The following SLC10A7 variants were observed in gnomAD, a reference collection of about 807,000 sequenced individuals.
The protein encoded by SLC10A7 is solute carrier family 10 member 7, also known as sodium/bile acid cotransporter 7.
SLC10A7 carries 29 observed loss-of-function variants against 43.2 expected under a neutral mutation model. The observed-to-expected ratio is 0.67, with a 90% confidence interval of 0.50 to 0.92. The LOEUF (loss-of-function observed/expected upper bound fraction) is 0.92, where lower values mean the gene tolerates loss of function less well. SLC10A7 is among the 40% of genes least tolerant of loss of function. The pLI is 0.00. For synonymous variants in SLC10A7, 152 were observed against 144.8 expected, an observed-to-expected ratio of 1.05 and a Z score of -0.35; for missense variants, 295 against 403.2, an observed-to-expected ratio of 0.73 and a Z score of 2.30.
intron 4 of SLC10A7, chr4:146,477,902 C>T (rs1449834135): frequency 6.6e-6 from 1 of 152,164 alleles, no homozygotes; most frequent in Non-Finnish European, 1.5e-5. Context: ...AATGATAACA[C>T]ACTTGATAGC....
intron 5 of SLC10A7, chr4:146,442,118 T>C: frequency 4.1e-6 from 4 of 973,222 alleles, no homozygotes; most frequent in Non-Finnish European, 4.9e-6. Context: ...AGTTTCTCAA[T>C]CTTTCATAAC....
Position 146,298,733 on chromosome 4 carries a change from G to A in SLC10A7, c.556-4638C>T, listed in dbSNP as rs79009370. 5.8e-3 allele frequency among the ~76,000 whole-genome samples: 889 copies of A among 152,202 alleles called. 12 individuals carry two copies. Among genetic ancestry groups the A allele is most frequent in the African/African-American group, 0.02 (818 of 41,536 alleles). ...AAGAAGAGAAAATGCTATGACAGCC[G>A]GCACAAATTTTCTTTCTTTCTAGAT... On this transcript the variant is annotated intron_variant, in intron 7 of 11. Coordinates refer to ENST00000335472, the MANE Select transcript of SLC10A7 (RefSeq NM_001029998.6).
At chr4:146,487,123 A>G (rs1426585677) in intron 4 of SLC10A7, among the ~76,000 whole-genome samples, 3 of 152,186 alleles carry the variant, frequency 2.0e-5, no homozygotes, top group Non-Finnish European at 2.9e-5. Flanking sequence ...TGTATCTTTC[A>G]GCCAGTTTGA....
In SLC10A7 at chr4:146,449,809, C is replaced by T. The variant is rs566341361; in HGVS notation, c.397-6988G>A. On this transcript the variant is annotated intron_variant, in intron 4 of 11. Coordinates refer to ENST00000335472, the MANE Select transcript of SLC10A7 (RefSeq NM_001029998.6). Reference sequence around the variant, plus strand: ...AGTATAACTTCCTATGTTTTAAAAACGTAGGTTTGGCCTCACTTGGGAAAG... The same window carrying T: ...AGTATAACTTCCTATGTTTTAAAAATGTAGGTTTGGCCTCACTTGGGAAAG... Among the ~76,000 whole-genome samples the T allele has an allele frequency of 1.3e-4, 20 of 152,218 alleles. No homozygotes were observed. The East Asian group carries it at 1.9e-3, about 15-fold the overall frequency.
At chr4:146,399,357 T>C (rs1016367206) in intron 5 of SLC10A7, among the ~76,000 whole-genome samples, 4 of 152,064 alleles carry the variant, frequency 2.6e-5, no homozygotes, top group Admixed American at 6.6e-5. Flanking sequence ...CTAAGGGCAA[T>C]AGGAAGTTAA....
chr4:146,292,270 T>C (rs1730491961), intron 9 of SLC10A7, among the ~76,000 whole-genome samples: 1 of 152,212 alleles, frequency 6.6e-6, no homozygotes, highest in African/African-American at 2.4e-5. Context: ...TTGGAAGCAC[T>C]ATGAAATGCA....
chr4:146,386,806 T>C (rs1738035036), intron 5 of SLC10A7, among the ~76,000 whole-genome samples: 1 of 152,214 alleles, frequency 6.6e-6, no homozygotes, highest in South Asian at 2.1e-4. Flanking sequence ...TACTGCTTTC[T>C]TCTTGGAAGG....
In SLC10A7 at chr4:146,294,104, C is replaced by T; in HGVS notation, c.556-9G>A. 6.4e-7 allele frequency: 1 copy of T among 1,557,840 alleles called. No individual in the cohort carries two copies. The highest frequency in any genetic ancestry group is 8.7e-7 in the Non-Finnish European group (1 of 1,144,244). ...ATGTATCTTCGGACAATCTGAAATA[C>T]AGAGATCAACAGGTTGCCTCTTTTC... On this transcript the variant is annotated splice_polypyrimidine_tract_variant and intron_variant, in intron 7 of 11. Coordinates refer to ENST00000335472, the MANE Select transcript of SLC10A7 (RefSeq NM_001029998.6).
intron 7 of SLC10A7, among the ~76,000 whole-genome samples, chr4:146,304,249 C>T (rs1364991903): frequency 6.6e-6 from 1 of 150,920 alleles, no homozygotes; most frequent in Non-Finnish European, 1.5e-5. Context: ...ATTACATGGT[C>T]ACAAACATAA....
At chr4:146,458,400 A>G (rs1732265587) in intron 4 of SLC10A7, among the ~76,000 whole-genome samples, 1 of 151,788 alleles carries the variant, frequency 6.6e-6, no homozygotes, top group Non-Finnish European at 1.5e-5. Flanking sequence ...AATCAGGAAC[A>G]AAGTTAGGAT....
At chr4:146,501,587 G>A (rs932306657) in intron 4 of SLC10A7, among the ~76,000 whole-genome samples, 1 of 152,160 alleles carries the variant, frequency 6.6e-6, no homozygotes, top group Non-Finnish European at 1.5e-5. Flanking sequence ...CAAGACAGTA[G>A]AGCCTCCAAT....
chr4:146,411,304 A>G (rs1210397402), intron 5 of SLC10A7, among the ~76,000 whole-genome samples: 1 of 152,216 alleles, frequency 6.6e-6, no homozygotes, highest in East Asian at 1.9e-4. Context: ...AGACTATGAG[A>G]TGGAAAAACA....
At position 146,390,215 on chromosome 4, in the gene SLC10A7, C is replaced by T. The variant is rs903811563; in HGVS notation, c.435+52568G>A. Among the ~76,000 whole-genome samples the T allele has an allele frequency of 2.6e-5, 4 of 151,940 alleles. No homozygotes were observed. The East Asian group carries it at 5.8e-4, about 22-fold the overall frequency. ...TCACAAGAAACTATATTGAAATTGA[C>T]AGAAGGCCATCATGTTTTATGGTTT... On this transcript the variant is annotated intron_variant, in intron 5 of 11. Transcript: ENST00000335472.
chr4:146,478,311 G>C (rs557140013), intron 4 of SLC10A7: 1 of 152,262 alleles, frequency 6.6e-6, no homozygotes, highest in African/African-American at 2.4e-5. Context: ...CCTGGCAAGG[G>C]AAAAAACATT....
At chr4:146,258,196 AAAGTTT>A (rs1190329548) in intron 11 of SLC10A7, among the ~76,000 whole-genome samples, 1 of 152,220 alleles carries the variant, frequency 6.6e-6, no homozygotes, top group Non-Finnish European at 1.5e-5. Flanking sequence ...TTAGCTACTT[AAAGTTT>A]ATTTTTTAAT....
chr4:146,518,946 C>T (rs984647952), intron 1 of SLC10A7, among the ~76,000 whole-genome samples: 1 of 150,182 alleles, frequency 6.7e-6, no homozygotes, highest in East Asian at 1.9e-4. Flanking sequence ...TGTGGCAGCC[C>T]TAAGAAACTA....
At chr4:146,444,663 C>T (rs554458562) in intron 4 of SLC10A7, among the ~76,000 whole-genome samples, 5 of 152,248 alleles carry the variant, frequency 3.3e-5, no homozygotes, top group African/African-American at 4.8e-5. Flanking sequence ...ATGACAGTGA[C>T]GGGTATATTA....
intron 6 of SLC10A7, among the ~76,000 whole-genome samples, chr4:146,308,416 C>T (rs1356997418): frequency 2.0e-5 from 3 of 152,084 alleles, no homozygotes; most frequent in Non-Finnish European, 4.4e-5. Context: ...ATCCAGAAGA[C>T]AGAACAGCAA....
intron 9 of SLC10A7, among the ~76,000 whole-genome samples, chr4:146,291,660 A>G (rs1730451414): frequency 6.6e-6 from 1 of 151,494 alleles, no homozygotes; most frequent in Non-Finnish European, 1.5e-5. Flanking sequence ...ATGTGTCCAC[A>G]TTTGCATTAT....
Sources: gnomAD v4.1 joint callset for allele counts (sites outside exome capture counted in the v4.1 genomes callset) on GRCh38, gnomAD v4.1.1 for gene constraint, MANE v1.5 for transcripts, NCBI Gene and HGNC (gene_info 2026-07-23, HGNC 2026-07-21) for gene names.